KIAA0319: variants seen among roughly 807,000 people sequenced by gnomAD.
KIAA0319 encodes the protein KIAA0319.
A neutral mutation model predicts 108.4 loss-of-function variants in KIAA0319; 83 were observed. The ratio of observed to expected loss-of-function variants is 0.77; its 90% CI spans 0.64 to 0.92. KIAA0319 has a LOEUF of 0.92. KIAA0319 is among the 40% of genes least tolerant of loss of function. The pLI, the probability that KIAA0319 is intolerant of heterozygous loss-of-function variation, is 0.00. For synonymous variants in KIAA0319, 484 were observed against 510.4 expected, an observed-to-expected ratio of 0.95 and a Z score of 0.70; for missense variants, 1,195 against 1,322.4, an observed-to-expected ratio of 0.90 and a Z score of 1.49.
intron 1 of KIAA0319, among the ~76,000 whole-genome samples, chr6:24,612,589 T>C (rs1398440443): frequency 6.6e-6 from 1 of 152,242 alleles, no homozygotes; most frequent in African/African-American, 2.4e-5. Flanking sequence ...AAGCTCTTCA[T>C]GTACTGTTAT....
intron 1 of KIAA0319, 38 bp from the exon 2 acceptor site, chr6:24,601,246 A>C: frequency 1.3e-6 from 2 of 1,498,826 alleles, no homozygotes; most frequent in South Asian, 2.7e-5. Flanking sequence ...GGAAGAAAAG[A>C]ATAGGTAAAT....
chr6:24,585,366 A>G (rs535464556), intron 4 of KIAA0319, among the ~76,000 whole-genome samples: 2 of 151,818 alleles, frequency 1.3e-5, no homozygotes, highest in African/African-American at 4.8e-5. Flanking sequence ...TGCCTTCCTT[A>G]TAATTTGCCC....
rs1367453022 is a variant in KIAA0319, at chr6:24,599,853, G to A, written c.55+1196C>T. 9.4e-6 allele frequency: 4 copies of A among 426,326 alleles called. No individual in the cohort carries two copies. 26.4% of individuals were successfully genotyped at this position (426,326 alleles called of 1,614,324 possible). A position where few individuals can be genotyped will look rare whatever the true frequency, so the allele number is the denominator to read the frequency against. ...GACTGCCCCAGAGCCTGTGGGGGAGGCCACTGTGCAGGGGAGCATAGGGAA... is the reference window on the plus strand; with the variant it reads ...GACTGCCCCAGAGCCTGTGGGGGAGACCACTGTGCAGGGGAGCATAGGGAA... On this transcript the variant is annotated intron_variant, in intron 2 of 20. Transcript: ENST00000378214. The surrounding 1 kb of genome is among the most constrained non-coding windows in gnomAD (Gnocchi z 4.1).
chr6:24,575,165 T>C (rs1454542219), intron 10 of KIAA0319, among the ~76,000 whole-genome samples: 1 of 152,170 alleles, frequency 6.6e-6, no homozygotes, highest in Non-Finnish European at 1.5e-5. Flanking sequence ...TTAATCAAGC[T>C]TAAGGCAATA....
chr6:24,584,789 A>G (rs1582072945), intron 4 of KIAA0319, among the ~76,000 whole-genome samples: 1 of 152,236 alleles, frequency 6.6e-6, no homozygotes, highest in East Asian at 1.9e-4. Flanking sequence ...ACAAACACTT[A>G]TATACCGGAT....
chr6:24,629,019 TTTGTA>T (rs1266395921), intron 1 of KIAA0319, among the ~76,000 whole-genome samples: 3 of 152,188 alleles, frequency 2.0e-5, no homozygotes, highest in Non-Finnish European at 2.9e-5. Context: ...AACACCATTG[TTTGTA>T]CTTTTCAAAA....
In KIAA0319 at chr6:24,551,476, T is replaced by G; in HGVS notation, c.2998A>C (p.Asn1000His). The G allele has an allele frequency of 6.2e-7, 1 of 1,612,876 alleles. No homozygotes were observed. Among genetic ancestry groups the G allele is most frequent in the Non-Finnish European group, 8.5e-7 (1 of 1,178,784 alleles). ...TCCATTCTTTCCTGTTCATCCATGT[T>G]ATCCAGGATGGTGTACTTTGTTTTT... ...RKKTKYTILD[N>H]MDEQERMELR... Residue 1000 changes from asparagine (N) to histidine (H), a missense_variant, in exon 20 of 21, where the codon AAC (asparagine) becomes CAC (histidine). Coordinates refer to ENST00000378214, the MANE Select transcript of KIAA0319 (RefSeq NM_014809.4).
rs375547852 is a variant in KIAA0319, at chr6:24,596,223, C to A, written c.451G>T (p.Glu151Ter). 1.9e-6 allele frequency: 3 copies of A among 1,614,186 alleles called. No homozygotes were observed. Among genetic ancestry groups the A allele is most frequent in the Non-Finnish European group, 2.5e-6 (3 of 1,180,036 alleles). The change falls in exon 3 of 21, where the codon GAG becomes TAG. Residue 151 changes from glutamate to a stop codon, truncating the protein, a stop_gained. Transcript: ENST00000378214. LOFTEE classifies it high-confidence loss of function. ...TCATCTGAGTACTCAGACATCTCCT[C>A]TAGGCCCCAATCTTTGCCTAGAAAG... ...LTFLGKDWGLEEMSEYSDDYR... is the reference protein window; with the variant it reads ...LTFLGKDWGL
chr6:24,607,163 C>A (rs1771533724), intron 1 of KIAA0319, among the ~76,000 whole-genome samples: 1 of 152,162 alleles, frequency 6.6e-6, no homozygotes, highest in Non-Finnish European at 1.5e-5. Context: ...TGAGACCAGC[C>A]TGACCAACAT....
chr6:24,621,957 C>T (rs1380174030), intron 1 of KIAA0319, among the ~76,000 whole-genome samples: 1 of 152,176 alleles, frequency 6.6e-6, no homozygotes, highest in Non-Finnish European at 1.5e-5. Flanking sequence ...ACTGCTCTCT[C>T]AAGAGACGGA....
At chr6:24,573,661 T>C (rs1337508440) in intron 10 of KIAA0319, among the ~76,000 whole-genome samples, 1 of 152,214 alleles carries the variant, frequency 6.6e-6, no homozygotes, top group Non-Finnish European at 1.5e-5. Context: ...ATTCTGGAAG[T>C]GTACACATTA....
At chr6:24,565,042 T>G (rs763369413) in intron 14 of KIAA0319, among the ~76,000 whole-genome samples, 1 of 151,862 alleles carries the variant, frequency 6.6e-6, no homozygotes, top group African/African-American at 2.4e-5. Flanking sequence ...GGTCAGGAGA[T>G]CGAGAACATC....
In KIAA0319 at chr6:24,556,614, G is replaced by A; in HGVS notation, c.2850C>T (p.Ser950=). 6.2e-7 allele frequency: 1 copy of A among 1,613,762 alleles called. No individual in the cohort carries two copies. The highest frequency in any genetic ancestry group is 8.5e-7 in the Non-Finnish European group (1 of 1,179,840). Residue 950 remains serine (S), a synonymous_variant, in exon 18 of 21, where the codon AGC becomes AGT. Transcript: ENST00000378214. The part of the protein sequence containing the change: ...LIQRYIWDGE[S]NCEWSIFYVT... ...CTCTATACCAGAACTCACCACAGTT[G>A]CTCTCTCCATCCCAGATATAACGCT...
chr6:24,611,461 T>G (rs914166930), intron 1 of KIAA0319, among the ~76,000 whole-genome samples: 1 of 152,026 alleles, frequency 6.6e-6, no homozygotes, highest in South Asian at 2.1e-4. Flanking sequence ...ATCGTGCCAC[T>G]GCACTCTAGC....
intron 1 of KIAA0319, among the ~76,000 whole-genome samples, chr6:24,607,842 A>AT (rs1182725389): frequency 6.6e-6 from 1 of 152,194 alleles, no homozygotes. Context: ...AGTTAAAAAC[A>AT]TTTTTTAAAA....
intron 5 of KIAA0319, chr6:24,583,366 T>C: frequency 1.7e-6 from 1 of 597,588 alleles, no homozygotes; most frequent in Non-Finnish European, 2.5e-6. Context: ...ATTTATGACT[T>C]TCCATCCTGA....
At chr6:24,630,017 A>G (rs1031867466) in intron 1 of KIAA0319, among the ~76,000 whole-genome samples, 2 of 152,050 alleles carry the variant, frequency 1.3e-5, no homozygotes, top group African/African-American at 4.8e-5. Flanking sequence ...CATCTCTACT[A>G]AAAATACAAA....
At chr6:24,567,231 G>A (rs1461221016) in intron 13 of KIAA0319, among the ~76,000 whole-genome samples, 2 of 152,122 alleles carry the variant, frequency 1.3e-5, no homozygotes, top group Non-Finnish European at 2.9e-5. Context: ...GCTGGGTGCA[G>A]TGGCTCACAC....
intron 1 of KIAA0319, among the ~76,000 whole-genome samples, chr6:24,611,451 A>G (rs1057166655): frequency 6.6e-6 from 1 of 152,158 alleles, no homozygotes; most frequent in Non-Finnish European, 1.5e-5. Flanking sequence ...GTAAGCTGAG[A>G]TCGTGCCACT....
Sources: allele counts gnomAD v4.1 joint callset (sites outside exome capture counted in the v4.1 genomes callset), GRCh38; gene constraint gnomAD v4.1.1; non-coding constraint Gnocchi (gnomAD v3.1); transcripts MANE v1.5; gene names NCBI Gene and HGNC (gene_info 2026-07-23, HGNC 2026-07-21).